Variants in RHBDL2 observed in about 807,000 individuals in gnomAD.
RHBDL2 encodes rhomboid-related protein 2.
A neutral mutation model predicts 31.7 loss-of-function variants in RHBDL2; 26 were observed. The observed-to-expected ratio is 0.82, with a 90% CI of 0.60 to 1.14. The LOEUF is 1.14. RHBDL2 is among the 50% of genes most tolerant of loss of function. RHBDL2 has a pLI of 0.00. For missense variants in RHBDL2, 336 were observed against 364.4 expected, an observed-to-expected ratio of 0.92 and a Z score of 0.63; for synonymous variants, 123 against 127.2, an observed-to-expected ratio of 0.97 and a Z score of 0.22.
At chr1:38,902,201 C>CTTTTTTTTTTTTTTTTTTTTTTTTTTTT (rs770169792) in intron 4 of RHBDL2, among the ~76,000 whole-genome samples, 1 of 92,820 alleles carries the variant, frequency 1.1e-5, no homozygotes, top group African/African-American at 3.8e-5. Flanking sequence ...TTTTCTTTTT[C>CTTTTTTTTTTTTTTTTTTTTTTTTTTTT]TTTTTTTTTT....
rs549064250 is a variant in RHBDL2 at position 38,906,441 on chromosome 1, A to G, written c.508+4881T>C. 7.2e-5 allele frequency among the ~76,000 whole-genome samples: 11 copies of G among 152,092 alleles called. No homozygotes were observed. The East Asian group carries it at 2.1e-3, about 29-fold the overall frequency. The stretch of plus-strand genomic sequence containing the variant: ...TGTAATCCCAGCACTTCGGGAGGCC[A>G]AGGCGGGCAGATCATGAGGTCAGGA... On this transcript the variant is annotated intron_variant, in intron 4 of 7. Transcript: ENST00000372990.
rs529741985 is a variant in RHBDL2, at chr1:38,936,340, ACTCTG to A, written c.-126+5337_-126+5341del. Among the ~76,000 whole-genome samples the A allele has an allele frequency of 5.3e-3, 789 of 148,200 alleles. 6 individuals carry two copies. The highest frequency in any genetic ancestry group is 0.018 in the African/African-American group (711 of 40,198). On this transcript the variant is annotated intron_variant, in intron 1 of 7. Transcript: ENST00000372990. ...GGGGGTTTTTTTGAGATGGAGTCTC[ACTCTG>A]TTGCCCAGGCTGGAATGCAGTGGCA... is the stretch of plus-strand genomic sequence containing the variant.
At chr1:38,935,818 C>T (rs936710080) in intron 1 of RHBDL2, among the ~76,000 whole-genome samples, 4 of 152,014 alleles carry the variant, frequency 2.6e-5, no homozygotes, top group South Asian at 2.1e-4. Context: ...TTAGCCATGT[C>T]GCCCATGCTG....
At chr1:38,897,987 C>T (rs922032824) in intron 4 of RHBDL2, among the ~76,000 whole-genome samples, 14 of 152,060 alleles carry the variant, frequency 9.2e-5, no homozygotes, top group South Asian at 4.1e-4. Flanking sequence ...AAAAATTAGC[C>T]GGGCATGGTG....
rs779308312 is a variant in RHBDL2 at position 38,919,328 on chromosome 1, A to G, written c.-116T>C. On this transcript the variant is annotated 5_prime_UTR_variant, in exon 2 of 8. Transcript: ENST00000372990. ...CTGTCTGGCGCAACGACTGCTTTCC[A>G]AGGCCTTTCCTGTATGTGAAGAGAA... 2.5e-6 allele frequency: 4 copies of G among 1,597,462 alleles called. No homozygotes were observed. The African/African-American group carries it at 5.4e-5, about 21-fold the overall frequency.
At position 38,911,447 on chromosome 1, in the gene RHBDL2, A is replaced by G; in HGVS notation, c.396-13T>C. On this transcript the variant is annotated splice_polypyrimidine_tract_variant and intron_variant, in intron 3 of 7. Transcript: ENST00000372990. The stretch of plus-strand genomic sequence containing the variant: ...GATGTGCTGAACTCTGCAAAGACAA[A>G]CAATAGTTGTCAAATATTATGACTA... The G allele has an allele frequency of 1.9e-6, 3 of 1,549,010 alleles. No homozygotes were observed. Among genetic ancestry groups the G allele is most frequent in the Non-Finnish European group, 2.7e-6 (3 of 1,120,816 alleles).
At chr1:38,936,666 A>G (rs978705353) in intron 1 of RHBDL2, among the ~76,000 whole-genome samples, 4 of 151,570 alleles carry the variant, frequency 2.6e-5, no homozygotes, top group African/African-American at 9.7e-5. Flanking sequence ...CCCCCAGCTA[A>G]TTTTTGCATT....
intron 1 of RHBDL2, among the ~76,000 whole-genome samples, chr1:38,929,835 C>A (rs902697817): frequency 3.9e-5 from 6 of 152,218 alleles, no homozygotes; most frequent in Non-Finnish European, 4.4e-5. Context: ...TCTGTGGTTA[C>A]AGCCTGAAAG....
rs533336448 is a variant in RHBDL2 at position 38,929,632 on chromosome 1, G to T, written c.-125-10295C>A. 97 of 1,239,318 alleles carry T rather than the reference G, an allele frequency of 7.8e-5. 2 individuals carry two copies. The South Asian group carries it at 1.3e-3, about 16-fold the overall frequency. The allele number at this position is 1,239,318 out of a possible 1,614,324, so 76.8% of individuals were successfully genotyped here. On this transcript the variant is annotated intron_variant, in intron 1 of 7. Coordinates refer to ENST00000372990, the MANE Select transcript of RHBDL2 (RefSeq NM_017821.5). Reference sequence around the variant, plus strand: ...CGCCTTGATGTGGCTGGGGAGCTCAGGAGGCTGGGCAGCGGGCTGTGCTGG... The same window carrying T: ...CGCCTTGATGTGGCTGGGGAGCTCATGAGGCTGGGCAGCGGGCTGTGCTGG...
intron 1 of RHBDL2, among the ~76,000 whole-genome samples, chr1:38,920,042 G>A (rs75414548): frequency 0.055 from 8,323 of 151,950 alleles, 311 homozygotes; most frequent in South Asian, 0.1. Flanking sequence ...CCCTGGCAAC[G>A]ACTAATCTGC....
intron 3 of RHBDL2, among the ~76,000 whole-genome samples, chr1:38,912,910 A>ATATATATATATGTGTGTGTGTG (rs1399583863): frequency 7.2e-5 from 3 of 41,388 alleles, no homozygotes; most frequent in African/African-American, 1.8e-4. Context: ...ATATATATAT[A>ATATATATATATGTGTGTGTGTG]TGTGTGTGTG....
chr1:38,894,470 G>A (rs112881288), intron 5 of RHBDL2, among the ~76,000 whole-genome samples: 2,862 of 151,422 alleles, frequency 0.019, 101 homozygotes, highest in African/African-American at 0.065. Flanking sequence ...CTACAGGTGC[G>A]TGCCACCACA....
intron 6 of RHBDL2, 102 bp downstream of exon 6, chr1:38,893,062 C>T: frequency 1.5e-6 from 1 of 679,260 alleles, no homozygotes; most frequent in Non-Finnish European, 2.6e-6. Context: ...GTGTGTATGC[C>T]CCAAATTGCA....
At chr1:38,929,038 C>G (rs1236650701) in intron 1 of RHBDL2, among the ~76,000 whole-genome samples, 1 of 152,098 alleles carries the variant, frequency 6.6e-6, no homozygotes, top group Non-Finnish European at 1.5e-5. Context: ...GCCACTTGCA[C>G]TCCAGCCTGG....
chr1:38,889,322 G>A (rs189457481), intron 6 of RHBDL2, among the ~76,000 whole-genome samples: 35 of 152,126 alleles, frequency 2.3e-4, no homozygotes, highest in African/African-American at 7.2e-4. Context: ...TCCAACTCTC[G>A]AACTCCTGAC....
chr1:38,915,439 T>TGTGA, intron 3 of RHBDL2, 123 bp downstream of exon 3: 1 of 949,726 alleles, frequency 1.1e-6, no homozygotes, highest in South Asian at 1.6e-5. Context: ...ACCTACCCCT[T>TGTGA]AGGGTTGCTG....
At chr1:38,936,656 C>T (rs574761148) in intron 1 of RHBDL2, among the ~76,000 whole-genome samples, 1 of 152,028 alleles carries the variant, frequency 6.6e-6, no homozygotes, top group Non-Finnish European at 1.5e-5. Flanking sequence ...CTGGCCACCA[C>T]CCCCAGCTAA....
At chr1:38,900,757 A>G (rs578167448) in intron 4 of RHBDL2, among the ~76,000 whole-genome samples, 27 of 151,998 alleles carry the variant, frequency 1.8e-4, no homozygotes, top group Non-Finnish European at 3.2e-4. Flanking sequence ...ATAAAAAATA[A>G]AAAGCATTGG....
intron 4 of RHBDL2, 78 bp downstream of exon 4, chr1:38,911,244 A>G (rs1643137206): frequency 1.1e-6 from 1 of 920,922 alleles, no homozygotes; most frequent in Non-Finnish European, 1.8e-6. Context: ...AAAGAAGCCT[A>G]CTATAAGTGT....
Sources: gnomAD v4.1 joint callset for allele counts (sites outside exome capture counted in the v4.1 genomes callset) on GRCh38, gnomAD v4.1.1 for gene constraint, MANE v1.5 for transcripts, NCBI Gene and HGNC (gene_info 2026-07-23, HGNC 2026-07-21) for gene names.